TRIM65: variants seen among roughly 807,000 people sequenced by gnomAD.
TRIM65 encodes the protein E3 ubiquitin-protein ligase TRIM65.
A neutral mutation model predicts 36.1 loss-of-function variants in TRIM65; 46 were observed. The observed-to-expected ratio is 1.27, with a 90% CI of 1.01 to 1.63. The LOEUF (loss-of-function observed/expected upper bound fraction) is 1.63. Ranked by LOEUF, TRIM65 falls within the 40% of genes most tolerant of loss-of-function variation. The pLI is 0.00. For synonymous variants in TRIM65, 346 were observed against 313.6 expected (o/e 1.10, Z -1.09); for missense variants, 708 against 696.6 (o/e 1.02, Z -0.18).
chr17:75,885,457 G>C (rs2144014604), downstream of TRIM65, among the ~76,000 whole-genome samples: 2 of 152,152 alleles, frequency 1.3e-5, no homozygotes, highest in South Asian at 4.2e-4. Context: ...TTGTATTTTT[G>C]GTAGAGAGGT....
At chr17:75,885,249 G>T (rs2065198860), downstream of TRIM65, among the ~76,000 whole-genome samples, 1 of 152,048 alleles carries the variant, frequency 6.6e-6, no homozygotes, top group African/African-American at 2.4e-5. Flanking sequence ...TTTAACTCAA[G>T]ACATTGCTAA....
chr17:75,891,703 T>C, intron 5 of TRIM65, 110 bp downstream of exon 5: 1 of 1,361,658 alleles, frequency 7.3e-7, no homozygotes, highest in Non-Finnish European at 1.0e-6. Flanking sequence ...AGTGCCCCCC[T>C]CACTCACACG....
At chr17:75,884,055 T>C (rs540265782), downstream of TRIM65, among the ~76,000 whole-genome samples, 2 of 151,962 alleles carry the variant, frequency 1.3e-5, no homozygotes, top group East Asian at 3.9e-4. Flanking sequence ...GGAGAATTGC[T>C]TGAACCCAGG....
intron 1 of TRIM65, among the ~76,000 whole-genome samples, chr17:75,895,742 A>C (rs1341781981): frequency 2.0e-5 from 3 of 152,202 alleles, no homozygotes; most frequent in Admixed American, 6.5e-5. Flanking sequence ...TTTTGTAATA[A>C]TACATTCACG....
At chr17:75,883,378 A>G (rs1169775476) in intron 4 of TRIM65, among the ~76,000 whole-genome samples, 2 of 151,966 alleles carry the variant, frequency 1.3e-5, no homozygotes, top group Non-Finnish European at 2.9e-5. Context: ...TGGCCTCCCA[A>G]ATTGCTGGGA....
Position 75,891,854 on chromosome 17 carries a change from A to G in TRIM65, c.944T>C (p.Val315Ala). 1 of 1,612,742 alleles carries G rather than the reference A, an allele frequency of 6.2e-7. No homozygotes were observed. Among genetic ancestry groups the G allele is most frequent in the Non-Finnish European group, 8.5e-7 (1 of 1,179,382 alleles). ...PVEAPGPLAP[V>A]PSTVCPLRRK... ...CCTCAGTGGACAAACTGTGCTTGGG[A>G]CCGGTGCCAGGGGACCTGGGGCCTC... The change falls in exon 5 of 6, where the codon GTC (valine) becomes GCC (alanine). Residue 315 changes from valine to alanine, a missense_variant. Val to Ala is a moderately conservative substitution (Grantham distance 64). Transcript: ENST00000269383.
Position 75,891,875 on chromosome 17 carries a change from G to C in TRIM65, c.923C>G (p.Ala308Gly). 6.2e-7 allele frequency: 1 copy of C among 1,611,648 alleles called. No homozygotes were observed. Among genetic ancestry groups the C allele is most frequent in the Non-Finnish European group, 8.5e-7 (1 of 1,178,884 alleles). ...AKPVDLAPVE[A>G]PGPLAPVPST... is the part of the protein sequence containing the mutation. Reference sequence around the variant, plus strand: ...TGGGACCGGTGCCAGGGGACCTGGGGCCTCTAGGGGGCAAAGCAGTGTTAA... The same window carrying C: ...TGGGACCGGTGCCAGGGGACCTGGGCCCTCTAGGGGGCAAAGCAGTGTTAA... Residue 308 changes from alanine (A) to glycine (G), a missense_variant, in exon 5 of 6, where the codon GCC (alanine) becomes GGC (glycine). Ala to Gly is a moderately conservative substitution (Grantham distance 60). Transcript: ENST00000269383.
Position 75,892,408 on chromosome 17 carries a change from G to T in TRIM65, c.603C>A (p.Ser201Arg). The T allele has an allele frequency of 6.2e-7, 1 of 1,614,088 alleles. No homozygotes were observed. The highest frequency in any genetic ancestry group is 8.5e-7 in the Non-Finnish European group (1 of 1,179,998). ...LEIQHTTALRSIEVAKTQALA... is the reference protein window; with the variant it reads ...LEIQHTTALRRIEVAKTQALA... ...GCGCCTGCGTCTTGGCCACCTCGAT[G>T]CTCCTCAGTGCTGTCGTGTGCTGTA... The change falls in exon 3 of 6, where the codon AGC becomes AGA. Residue 201 changes from serine to arginine, a missense_variant. Physicochemically the swap from Ser to Arg is moderately radical, Grantham distance 110. Coordinates refer to ENST00000269383, the MANE Select transcript of TRIM65 (RefSeq NM_173547.4).
rs577282035 is a variant in TRIM65, at chr17:75,890,368, T to A, written c.*411A>T. 15 of 161,180 alleles carry A rather than the reference T, an allele frequency of 9.3e-5. No individual in the cohort carries two copies. Among genetic ancestry groups the A allele is most frequent in the Non-Finnish European group, 1.7e-4 (13 of 74,552 alleles). The allele number at this position is 161,180 out of a possible 1,614,324, so 10.0% of individuals were successfully genotyped here. On this transcript the variant is annotated 3_prime_UTR_variant, in exon 6 of 6. Transcript: ENST00000269383. ...GCTGCAGGCGGGGAGGAGGGAGGAA[T>A]CTGTCTCCCCCTGGGACTACTCTGG...
chr17:75,880,841 T>A (rs2065164576), intron 4 of TRIM65, among the ~76,000 whole-genome samples: 1 of 150,210 alleles, frequency 6.7e-6, no homozygotes, highest in Non-Finnish European at 1.5e-5. Flanking sequence ...TTTCCCCAGC[T>A]CTCTAGGCTT....
At chr17:75,888,162 T>A (rs1404737645), downstream of TRIM65, among the ~76,000 whole-genome samples, 9 of 134,102 alleles carry the variant, frequency 6.7e-5, no homozygotes, top group Non-Finnish European at 1.3e-4. Context: ...TCTCAAAAAA[T>A]ATATAAATAA....
downstream of TRIM65, among the ~76,000 whole-genome samples, chr17:75,888,332 G>A (rs1387317078): frequency 2.0e-5 from 3 of 149,052 alleles, no homozygotes; most frequent in Admixed American, 6.7e-5. Context: ...CAGCCTGGGC[G>A]ACAGAGCAAG....
chr17:75,892,062 C>T lies in TRIM65; in HGVS notation c.868G>A (p.Glu290Lys). ...LSRLCGLLLEEGSHPGAPAKP... is the reference protein window; with the variant it reads ...LSRLCGLLLEKGSHPGAPAKP... ...GCTGGTGCCCCAGGGTGGCTCCCCT[C>T]TTCCAAGAGGAGGCCACACAGCCGG... is the stretch of plus-strand genomic sequence containing the variant. The change falls in exon 4 of 6, where the codon GAG (glutamate) becomes AAG (lysine). Residue 290 changes from glutamate to lysine, a missense_variant. Physicochemically the swap from Glu to Lys is moderately conservative, Grantham distance 56. Coordinates refer to ENST00000269383, the MANE Select transcript of TRIM65 (RefSeq NM_173547.4). 1 of 1,551,916 alleles carries T rather than the reference C, an allele frequency of 6.4e-7. No individual in the cohort carries two copies. The highest frequency in any genetic ancestry group is 2.4e-5 in the East Asian group (1 of 40,928).
intron 2 of TRIM65, 73 bp downstream of exon 2, chr17:75,892,681 TC>T (rs2065289353): frequency 2.1e-6 from 3 of 1,441,808 alleles, no homozygotes; most frequent in Admixed American, 3.7e-5. Context: ...TGCCTGGTGT[TC>T]CAGGGACCAG....
Position 75,891,412 on chromosome 17 carries a change from C to T in TRIM65, c.986-65G>A, listed in dbSNP as rs1043479520. On this transcript the variant is annotated intron_variant, in intron 5 of 5. Transcript: ENST00000269383. ...CAGCACAACCAGATCTCCATTTATCCGCTGCTAAACCTCCGCCAGGCACGC... is the reference window on the plus strand; with the variant it reads ...CAGCACAACCAGATCTCCATTTATCTGCTGCTAAACCTCCGCCAGGCACGC... The T allele has an allele frequency of 3.5e-5, 54 of 1,552,240 alleles. 1 individual carries two copies. In the South Asian group the frequency reaches 3.6e-4, roughly 10 times the overall value.
At position 75,891,284 on chromosome 17, in the gene TRIM65, T is replaced by C; in HGVS notation, c.1049A>G (p.Asp350Gly). The change falls in exon 6 of 6, where the codon GAC becomes GGC. Residue 350 changes from aspartate (D) to glycine (G), a missense_variant. Transcript: ENST00000269383. ...ANRHFYLSRQ[D>G]QQVKHCRQSR... ...CTGACGACAGTGCTTCACCTGCTGG[T>C]CCTGGCGCGACAGATAGAAGTGACG... The C allele has an allele frequency of 1.9e-6, 3 of 1,613,146 alleles. No homozygotes were observed. The highest frequency in any genetic ancestry group is 2.5e-6 in the Non-Finnish European group (3 of 1,179,974).
chr17:75,884,964 T>C (rs1306659632), downstream of TRIM65, among the ~76,000 whole-genome samples: 1 of 137,728 alleles, frequency 7.3e-6, no homozygotes, highest in Admixed American at 7.8e-5. Flanking sequence ...TGAGACAGAG[T>C]CTTGCTCTGT....
At position 75,891,289 on chromosome 17, in the gene TRIM65, G is replaced by A. The variant is rs771945294; in HGVS notation, c.1044C>T (p.Arg348=). ...VSANRHFYLS[R]QDQQVKHCRQ... ...GACAGTGCTTCACCTGCTGGTCCTG[G>A]CGCGACAGATAGAAGTGACGGTTGG... Residue 348 remains arginine (R), a synonymous_variant, in exon 6 of 6, where the codon CGC becomes CGT. Transcript: ENST00000269383. The A allele has an allele frequency of 1.2e-6, 2 of 1,613,284 alleles. No individual in the cohort carries two copies. Among genetic ancestry groups the A allele is most frequent in the Admixed American group, 3.3e-5 (2 of 60,010 alleles).
At chr17:75,883,327 G>A (rs1490943938) in intron 4 of TRIM65, among the ~76,000 whole-genome samples, 1 of 151,866 alleles carries the variant, frequency 6.6e-6, no homozygotes, top group Non-Finnish European at 1.5e-5. Context: ...ATGTTGACCA[G>A]GCTGGTCTTG....
Sources: allele counts gnomAD v4.1 joint callset (sites outside exome capture counted in the v4.1 genomes callset), GRCh38; gene constraint gnomAD v4.1.1; transcripts MANE v1.5; gene names NCBI Gene and HGNC (gene_info 2026-07-23, HGNC 2026-07-21).